THSD7A: variants seen among roughly 807,000 people sequenced by gnomAD.
THSD7A encodes the protein thrombospondin type-1 domain-containing protein 7A.
Under a neutral mutation model 231.3 loss-of-function variants are expected in THSD7A, and 96 were observed. The ratio of observed to expected loss-of-function variants is 0.41; its 90% confidence interval spans 0.35 to 0.49. THSD7A has a LOEUF of 0.49. Ranked by LOEUF, THSD7A falls within the 20% of genes least tolerant of loss-of-function variation. The pLI, the probability that THSD7A is intolerant of heterozygous loss-of-function variation, is 0.05. For missense variants in THSD7A, 2,290 were observed against 2,070.2 expected, an observed-to-expected ratio of 1.11 and a Z score of -2.06; for synonymous variants, 940 against 743.3, an observed-to-expected ratio of 1.26 and a Z score of -4.30.
chr7:11,529,932 C>G (rs1412198730), intron 6 of THSD7A, among the ~76,000 whole-genome samples: 1 of 152,124 alleles, frequency 6.6e-6, no homozygotes, highest in African/African-American at 2.4e-5. Flanking sequence ...AGGAACAATT[C>G]CTAGCATTTA....
rs1389521011 is a variant in THSD7A at position 11,555,277 on chromosome 7, T to C, written c.1454-12160A>G. Among the ~76,000 whole-genome samples, 5 of 151,940 alleles carry C rather than the reference T, an allele frequency of 3.3e-5. 1 individual carries two copies. The East Asian group carries it at 9.6e-4, about 29-fold the overall frequency. On this transcript the variant is annotated intron_variant, in intron 4 of 27. Transcript: ENST00000423059. ...CACTGCTTTAGCTATGCCTCACAGA[T>C]TTTGATATATTTTCTTTTCATCCAG...
Position 11,744,909 on chromosome 7 carries a change from G to A in THSD7A, c.190+86848C>T, listed in dbSNP as rs149753495. The stretch of plus-strand genomic sequence containing the variant: ...GTAGTGCCACAATAAGCACACATGT[G>A]CATGTGTCTTTATAGCAGCATGTTT... On this transcript the variant is annotated intron_variant, in intron 1 of 27. Coordinates refer to ENST00000423059, the MANE Select transcript of THSD7A (RefSeq NM_015204.3). Among the ~76,000 whole-genome samples, 1,259 of 152,194 alleles carry A rather than the reference G, an allele frequency of 8.3e-3. 9 individuals are homozygous for A. Among genetic ancestry groups the A allele is most frequent in the African/African-American group, 0.029 (1,202 of 41,540 alleles).
intron 1 of THSD7A, among the ~76,000 whole-genome samples, chr7:11,709,371 T>C (rs1308117441): frequency 6.6e-6 from 1 of 150,806 alleles, no homozygotes; most frequent in African/African-American, 2.4e-5. Flanking sequence ...AAAAATCTAC[T>C]GGCATGATTT....
chr7:11,432,640 G>A (rs1784513692), intron 13 of THSD7A, among the ~76,000 whole-genome samples: 1 of 152,028 alleles, frequency 6.6e-6, no homozygotes, highest in Admixed American at 6.6e-5. Context: ...GCATATTGCT[G>A]AATATTGTTT....
chr7:11,575,203 T>A (rs184561047), intron 4 of THSD7A, among the ~76,000 whole-genome samples: 182 of 152,308 alleles, frequency 1.2e-3, no homozygotes, highest in African/African-American at 4.2e-3. Context: ...CGCATTTTGA[T>A]CTATAGACAG....
intron 1 of THSD7A, among the ~76,000 whole-genome samples, chr7:11,798,825 G>T (rs1216318772): frequency 6.6e-6 from 1 of 152,102 alleles, no homozygotes; most frequent in Non-Finnish European, 1.5e-5. Context: ...ATAAAGGTGG[G>T]CTACTAAACA....
rs1783768372 is a variant in THSD7A at position 11,411,075 on chromosome 7, T to G, written c.3798+132A>C. 3 of 625,398 alleles carry G rather than the reference T, an allele frequency of 4.8e-6. No individual in the cohort carries two copies. The highest frequency in any genetic ancestry group is 8.5e-6 in the Non-Finnish European group (3 of 351,524). 38.7% of individuals were successfully genotyped at this position (625,398 alleles called of 1,614,324 possible). ...ACATTGTGTCTTTTCAAGAACATAC[T>G]TAGCCTGTGAACAGTGCAGAAAAAC... On this transcript the variant is annotated intron_variant, in intron 19 of 27. Coordinates refer to ENST00000423059, the MANE Select transcript of THSD7A (RefSeq NM_015204.3). The surrounding 1 kb of genome is among the most constrained non-coding windows in gnomAD (Gnocchi z 4.1).
chr7:11,602,953 G>C (rs887673422), intron 2 of THSD7A, among the ~76,000 whole-genome samples: 14 of 151,198 alleles, frequency 9.3e-5, no homozygotes, highest in African/African-American at 3.4e-4. Context: ...TCACCATTCA[G>C]GACATAGGCA....
chr7:11,588,365 G>A (rs1780005415), intron 4 of THSD7A, among the ~76,000 whole-genome samples: 1 of 152,056 alleles, frequency 6.6e-6, no homozygotes, highest in South Asian at 2.1e-4. Context: ...AACTGTTTTT[G>A]CAAAGACTTT....
chr7:11,630,930 G>T (rs1308625546), intron 2 of THSD7A, among the ~76,000 whole-genome samples: 3 of 152,192 alleles, frequency 2.0e-5, no homozygotes, highest in Non-Finnish European at 2.9e-5. Context: ...TATGCTTGTT[G>T]CAGTCTGGAG....
intron 1 of THSD7A, among the ~76,000 whole-genome samples, chr7:11,694,964 T>G (rs1030908927): frequency 4.0e-5 from 6 of 151,516 alleles, no homozygotes; most frequent in African/African-American, 1.5e-4. Context: ...AATATTAACT[T>G]GCTACATGGC....
intron 4 of THSD7A, among the ~76,000 whole-genome samples, chr7:11,557,132 G>T (rs1245935409): frequency 1.3e-5 from 2 of 151,764 alleles, no homozygotes; most frequent in Non-Finnish European, 2.9e-5. Flanking sequence ...AGTCCCACAG[G>T]TCTCTGAAAT....
Position 11,637,316 on chromosome 7 carries a change from C to A in THSD7A, c.191-355G>T, listed in dbSNP as rs137983697. Reference sequence around the variant, plus strand: ...GTGAAAACTCATTACTCCGGCCTCACAATCATCAAATCCATTTCAGTAACT... The same window carrying A: ...GTGAAAACTCATTACTCCGGCCTCAAAATCATCAAATCCATTTCAGTAACT... On this transcript the variant is annotated intron_variant, in intron 1 of 27. Coordinates refer to ENST00000423059, the MANE Select transcript of THSD7A (RefSeq NM_015204.3). This position sits in a 1 kb window ranked among gnomAD's most constrained non-coding sequence, Gnocchi z 4.2. Among the ~76,000 whole-genome samples the A allele has an allele frequency of 2.0e-5, 3 of 152,320 alleles. No homozygotes were observed. In the East Asian group the frequency reaches 5.8e-4, roughly 29 times the overall value.
intron 4 of THSD7A, among the ~76,000 whole-genome samples, chr7:11,560,618 T>A (rs1216456135): frequency 5.9e-5 from 9 of 152,302 alleles, no homozygotes; most frequent in Non-Finnish European, 1.0e-4. Flanking sequence ...GAATTATTCT[T>A]GCTCCCTTAT....
chr7:11,674,769 C>T (rs1783567637), intron 1 of THSD7A, among the ~76,000 whole-genome samples: 1 of 152,096 alleles, frequency 6.6e-6, no homozygotes. Flanking sequence ...TGTTTAATCA[C>T]CTCCAAAGGA....
At chr7:11,766,424 T>C (rs370399505) in intron 1 of THSD7A, among the ~76,000 whole-genome samples, 58 of 152,192 alleles carry the variant, frequency 3.8e-4, no homozygotes, top group African/African-American at 1.3e-3. Flanking sequence ...AGTAGGTAAA[T>C]AAGACACAAC....
chr7:11,799,400 T>C (rs115001485), intron 1 of THSD7A, among the ~76,000 whole-genome samples: 1,598 of 152,346 alleles, frequency 0.01, 24 homozygotes, highest in African/African-American at 0.036. Flanking sequence ...AGGATTTTGA[T>C]TTATAATGAT....
intron 4 of THSD7A, among the ~76,000 whole-genome samples, chr7:11,546,126 G>A (rs1789371045): frequency 6.6e-6 from 1 of 151,392 alleles, no homozygotes; most frequent in South Asian, 2.1e-4. Flanking sequence ...GCATGCTCCT[G>A]CCTGCAGCCT....
chr7:11,785,302 T>G (rs1783754840), intron 1 of THSD7A, among the ~76,000 whole-genome samples: 1 of 152,094 alleles, frequency 6.6e-6, no homozygotes, highest in African/African-American at 2.4e-5. Context: ...ATAGGCGCAT[T>G]CATTATACAC....
Sources: gnomAD v4.1 joint callset for allele counts (sites outside exome capture counted in the v4.1 genomes callset) on GRCh38, gnomAD v4.1.1 for gene constraint, Gnocchi (gnomAD v3.1) non-coding constraint, MANE v1.5 for transcripts, NCBI Gene and HGNC (gene_info 2026-07-23, HGNC 2026-07-21) for gene names.